The following NTM variants were observed in gnomAD, a reference collection of about 807,000 sequenced individuals.
The protein encoded by NTM is IgLON family member 2.
Under a neutral mutation model 42.1 loss-of-function variants are expected in NTM, and 13 were observed. That is an observed-to-expected ratio of 0.31 (90% CI 0.20 to 0.49). NTM has a LOEUF of 0.49. NTM is among the 20% of genes least tolerant of loss of function. The pLI, the probability that NTM is intolerant of heterozygous loss-of-function variation, is 0.99. For synonymous variants in NTM, 187 were observed against 179.2 expected (o/e 1.04, Z -0.35); for missense variants, 373 against 452.8 (o/e 0.82, Z 1.60).
rs796242457 is a variant in NTM, at chr11:132,197,605, C to T, written c.401-14417C>T. ...TGTTGGTGTGCTGCACCCATTAACT[C>T]GTCATTGACATTAGGTATATCTCCT... On this transcript the variant is annotated intron_variant, in intron 3 of 8. Transcript: ENST00000683400. 1.2e-4 allele frequency among the ~76,000 whole-genome samples: 18 copies of T among 150,578 alleles called. 1 individual carries two copies. Among genetic ancestry groups the T allele is most frequent in the African/African-American group, 4.1e-4 (17 of 41,040 alleles).
chr11:131,491,576 A>G (rs569174788), intron 1 of NTM, among the ~76,000 whole-genome samples: 1 of 152,296 alleles, frequency 6.6e-6, no homozygotes, highest in South Asian at 2.1e-4. Flanking sequence ...GTTCATACCT[A>G]GACCAGAGGC....
intron 1 of NTM, among the ~76,000 whole-genome samples, chr11:131,762,844 A>C (rs1389343754): frequency 6.6e-6 from 1 of 152,238 alleles, no homozygotes; most frequent in African/African-American, 2.4e-5. Context: ...AGAGGCTGGC[A>C]GCCCATGGCT....
At chr11:131,554,007 C>G (rs1456905090) in intron 1 of NTM, among the ~76,000 whole-genome samples, 1 of 152,212 alleles carries the variant, frequency 6.6e-6, no homozygotes, top group African/African-American at 2.4e-5. Context: ...GTCAATCCCA[C>G]TCATTTATCA....
At chr11:131,906,135 C>A (rs555163459) in intron 1 of NTM, among the ~76,000 whole-genome samples, 1 of 152,262 alleles carries the variant, frequency 6.6e-6, no homozygotes, top group Admixed American at 6.5e-5. Context: ...CTGGTACACA[C>A]AAGGAACTCA....
At chr11:132,040,806 T>A (rs61903519) in intron 2 of NTM, among the ~76,000 whole-genome samples, 9,921 of 152,260 alleles carry the variant, frequency 0.065, 374 homozygotes, top group South Asian at 0.18. Context: ...GTCTTGAGGA[T>A]TTTTATCTGT....
At chr11:131,789,611 A>AGAAGG (rs2090405837) in intron 1 of NTM, among the ~76,000 whole-genome samples, 1 of 83,422 alleles carries the variant, frequency 1.2e-5, no homozygotes, top group Non-Finnish European at 2.5e-5. Flanking sequence ...GAAGAAGAAG[A>AGAAGG]AGAAGAAGAA....
chr11:131,458,848 C>T (rs1036064256), intron 1 of NTM, among the ~76,000 whole-genome samples: 1 of 152,212 alleles, frequency 6.6e-6, no homozygotes, highest in Admixed American at 6.5e-5. Context: ...GGGTTCCACT[C>T]AAGAGCTTGT....
At position 131,853,420 on chromosome 11, in the gene NTM, GT is replaced by G. The variant is rs1434175073; in HGVS notation, c.83-58143del. On this transcript the variant is annotated intron_variant, in intron 1 of 8. Transcript: ENST00000683400. ...TCCACCCCAGGCTTGGACAGGCCCA[GT>G]GTGTGTTGTTTCCCCCTGTGTGTCT... 5.3e-5 allele frequency among the ~76,000 whole-genome samples: 8 copies of G among 152,212 alleles called. No homozygotes were observed. The East Asian group carries it at 1.5e-3, about 29-fold the overall frequency.
chr11:131,956,688 C>T (rs536829509), intron 2 of NTM, among the ~76,000 whole-genome samples: 2 of 150,958 alleles, frequency 1.3e-5, no homozygotes, highest in East Asian at 1.9e-4. Context: ...TGTTTGCCCA[C>T]AATTCCACTC....
At chr11:131,438,092 G>C (rs951396113) in intron 1 of NTM, among the ~76,000 whole-genome samples, 8 of 152,192 alleles carry the variant, frequency 5.3e-5, no homozygotes, top group African/African-American at 1.9e-4. Context: ...TTTTCTTTAA[G>C]AATGTTGAGT....
intron 2 of NTM, among the ~76,000 whole-genome samples, chr11:132,006,620 C>T (rs898212764): frequency 2.6e-5 from 4 of 152,196 alleles, no homozygotes; most frequent in Non-Finnish European, 5.9e-5. Context: ...TGCCTAGGCA[C>T]CTATTCTAAA....
chr11:131,722,176 T>C (rs2078439521), intron 1 of NTM, among the ~76,000 whole-genome samples: 1 of 152,180 alleles, frequency 6.6e-6, no homozygotes, highest in South Asian at 2.1e-4. Context: ...TTACTGTCAT[T>C]ATTATTCTTT....
intron 1 of NTM, among the ~76,000 whole-genome samples, chr11:131,587,200 T>C (rs994852775): frequency 6.6e-6 from 1 of 152,184 alleles, no homozygotes; most frequent in African/African-American, 2.4e-5. Flanking sequence ...CAATGTTGTA[T>C]AGCTTTGATA....
intron 1 of NTM, among the ~76,000 whole-genome samples, chr11:131,671,754 A>C (rs2070296174): frequency 6.6e-6 from 1 of 152,188 alleles, no homozygotes; most frequent in Admixed American, 6.5e-5. Flanking sequence ...GTGGCATCGA[A>C]AGTGGCAAAG....
At chr11:131,789,635 A>AAAG (rs2090464611) in intron 1 of NTM, among the ~76,000 whole-genome samples, 1 of 37,906 alleles carries the variant, frequency 2.6e-5, no homozygotes, top group Non-Finnish European at 6.0e-5. Flanking sequence ...GAAGAAGAAG[A>AAAG]AAAGAAGAAG....
intron 1 of NTM, among the ~76,000 whole-genome samples, chr11:131,708,795 C>G (rs1337600276): frequency 1.3e-5 from 2 of 152,144 alleles, no homozygotes; most frequent in Admixed American, 6.5e-5. Flanking sequence ...TCTTCAGAAA[C>G]TTACATTTTT....
chr11:131,606,299 T>G (rs1027911519), intron 1 of NTM, among the ~76,000 whole-genome samples: 1 of 152,144 alleles, frequency 6.6e-6, no homozygotes. Context: ...CAAGCGATCC[T>G]CCTGTCTAGG....
chr11:131,747,999 T>C (rs1229452767), intron 1 of NTM, among the ~76,000 whole-genome samples: 1 of 152,214 alleles, frequency 6.6e-6, no homozygotes, highest in Non-Finnish European at 1.5e-5. Flanking sequence ...GCATTGTGAC[T>C]TCAGTATTAC....
chr11:131,652,272 G>GT (rs1009002727), intron 1 of NTM, among the ~76,000 whole-genome samples: 9 of 152,006 alleles, frequency 5.9e-5, no homozygotes, highest in Non-Finnish European at 1.0e-4. Context: ...TGATCATTGT[G>GT]TTTTTTTTCT....
Sources: gnomAD v4.1 joint callset for allele counts (sites outside exome capture counted in the v4.1 genomes callset) on GRCh38, gnomAD v4.1.1 for gene constraint, MANE v1.5 for transcripts, NCBI Gene and HGNC (gene_info 2026-07-23, HGNC 2026-07-21) for gene names.